The following PHYHIPL variants were observed in gnomAD, a reference collection of about 807,000 sequenced individuals.
The protein encoded by PHYHIPL is phytanoyl-CoA hydroxylase-interacting protein-like.
PHYHIPL carries 9 observed loss-of-function variants against 33.4 expected under a neutral mutation model. The observed-to-expected ratio is 0.27, with a 90% CI of 0.16 to 0.47. The LOEUF is 0.47. PHYHIPL is among the 20% of genes least tolerant of loss of function. The pLI, the probability that PHYHIPL is intolerant of heterozygous loss-of-function variation, is 0.99. For synonymous variants in PHYHIPL, 153 were observed against 154.1 expected (o/e 0.99, Z 0.05); for missense variants, 365 against 460.7 (o/e 0.79, Z 1.90).
chr10:59,223,958 C>T (rs962574976), intron 1 of PHYHIPL, among the ~76,000 whole-genome samples: 2 of 152,168 alleles, frequency 1.3e-5, no homozygotes, highest in African/African-American at 4.8e-5. Flanking sequence ...CTGCACCCAG[C>T]CCAATTGCCC....
rs181461246 is a variant in PHYHIPL at position 59,210,187 on chromosome 10, A to G, written c.107-24117A>G. Among the ~76,000 whole-genome samples the G allele has an allele frequency of 8.7e-4, 132 of 152,300 alleles. 3 individuals carry two copies. Among genetic ancestry groups the G allele is most frequent in the Non-Finnish European group, 1.3e-3 (91 of 68,030 alleles). ...AATTTTGCGCTCTATCCATCTGACA[A>G]AGGGCTAATATCCAGAATCTACAAA... is the stretch of plus-strand genomic sequence containing the variant. On this transcript the variant is annotated intron_variant, in intron 1 of 4. Transcript: ENST00000373880.
chr10:59,195,766 T>C (rs775469257), intron 1 of PHYHIPL, among the ~76,000 whole-genome samples: 1 of 152,174 alleles, frequency 6.6e-6, no homozygotes, highest in Non-Finnish European at 1.5e-5. Flanking sequence ...ATTATATGCT[T>C]TAATTGTTTT....
intron 1 of PHYHIPL, among the ~76,000 whole-genome samples, chr10:59,213,247 A>G (rs1245294879): frequency 2.6e-5 from 4 of 152,034 alleles, no homozygotes; most frequent in Non-Finnish European, 5.9e-5. Flanking sequence ...TAGAAATCCA[A>G]TTATGTCATT....
rs368117586 is a variant in PHYHIPL at position 59,176,796 on chromosome 10, C to T, written c.-58C>T. 3.7e-5 allele frequency: 56 copies of T among 1,494,636 alleles called. No homozygotes were observed. The East Asian group carries it at 1.2e-3, about 32-fold the overall frequency. 92.6% of individuals were successfully genotyped at this position (1,494,636 alleles called of 1,614,324 possible). On this transcript the variant is annotated 5_prime_UTR_variant, in exon 1 of 5. Coordinates refer to ENST00000373880, the MANE Select transcript of PHYHIPL (RefSeq NM_032439.4). Reference sequence around the variant, plus strand: ...TCCCTTTCCCGCTCTTCTTGCCCACCCGGCCGGCAGAGAGAGCCTGGATAC... The same window carrying T: ...TCCCTTTCCCGCTCTTCTTGCCCACTCGGCCGGCAGAGAGAGCCTGGATAC...
At chr10:59,207,456 GTC>G (rs1839318818) in intron 1 of PHYHIPL, among the ~76,000 whole-genome samples, 1 of 152,180 alleles carries the variant, frequency 6.6e-6, no homozygotes, top group Admixed American at 6.5e-5. Context: ...TCCCTCAGGT[GTC>G]TCTGCCACCA....
chr10:59,231,594 T>C (rs1007670397), intron 1 of PHYHIPL, among the ~76,000 whole-genome samples: 2 of 152,004 alleles, frequency 1.3e-5, no homozygotes, highest in African/African-American at 4.8e-5. Context: ...CTATAGGAGA[T>C]GGAAGGACAC....
intron 1 of PHYHIPL, among the ~76,000 whole-genome samples, chr10:59,231,458 CAAGAATTCCAGCCAAAAACACAAAGA>C (rs1447909433): frequency 6.6e-6 from 1 of 151,954 alleles, no homozygotes; most frequent in Non-Finnish European, 1.5e-5. Context: ...GATAACCAGA[CAAGAATTCCAGCCAAAAACACAAAGA>C]AAGACACTTT....
chr10:59,221,682 G>T (rs1564454159), intron 1 of PHYHIPL: 6 of 984,754 alleles, frequency 6.1e-6, no homozygotes, highest in Non-Finnish European at 7.2e-6. Flanking sequence ...GAAATCTAGA[G>T]CTGTATTGTG....
upstream of PHYHIPL, among the ~76,000 whole-genome samples, chr10:59,173,645 T>C (rs1051424685): frequency 6.6e-6 from 1 of 152,212 alleles, no homozygotes; most frequent in Non-Finnish European, 1.5e-5. Flanking sequence ...CTTTTGGCTA[T>C]GTGGCAGGGC....
chr10:59,234,287 G>T lies in PHYHIPL; in HGVS notation c.107-17G>T. 1 of 1,527,856 alleles carries T rather than the reference G, an allele frequency of 6.5e-7. No individual in the cohort carries two copies. 94.6% of individuals were successfully genotyped at this position (1,527,856 alleles called of 1,614,324 possible). ...CATTAATTGGAAATTAACTTCCTGTGCATTGTTTTCTTGCAGGGAACAAAT... is the reference window on the plus strand; with the variant it reads ...CATTAATTGGAAATTAACTTCCTGTTCATTGTTTTCTTGCAGGGAACAAAT... On this transcript the variant is annotated splice_polypyrimidine_tract_variant and intron_variant, in intron 1 of 4. Transcript: ENST00000373880.
At chr10:59,240,766 T>C (rs567498902) in intron 4 of PHYHIPL, among the ~76,000 whole-genome samples, 1 of 152,232 alleles carries the variant, frequency 6.6e-6, no homozygotes, top group South Asian at 2.1e-4. Context: ...ATATCTATTT[T>C]AGGTGGCCAC....
At chr10:59,210,594 A>G (rs755002174) in intron 1 of PHYHIPL, among the ~76,000 whole-genome samples, 3 of 152,392 alleles carry the variant, frequency 2.0e-5, no homozygotes, top group Non-Finnish European at 4.4e-5. Flanking sequence ...TCAAAGGATT[A>G]TAAATCATTC....
intron 1 of PHYHIPL, among the ~76,000 whole-genome samples, chr10:59,180,870 G>A (rs192061462): frequency 1.0e-3 from 159 of 152,200 alleles, no homozygotes; most frequent in African/African-American, 3.6e-3. Flanking sequence ...TAGATAATCC[G>A]TAATGGCATT....
At chr10:59,180,314 G>GTATGTGTGTGTATATA (rs1491252242) in intron 1 of PHYHIPL, among the ~76,000 whole-genome samples, 7 of 86,170 alleles carry the variant, frequency 8.1e-5, no homozygotes, top group African/African-American at 3.6e-4. Context: ...TATAGAAAAA[G>GTATGTGTGTGTATATA]TATATATATA....
At chr10:59,239,680 T>C (rs1250724814) in intron 4 of PHYHIPL, among the ~76,000 whole-genome samples, 1 of 152,052 alleles carries the variant, frequency 6.6e-6, no homozygotes, top group Non-Finnish European at 1.5e-5. Context: ...CAGGTAGTTT[T>C]TATATTTACA....
In PHYHIPL at chr10:59,246,455, T is replaced by A. The variant is rs540266302; in HGVS notation, c.*864T>A. 2.1e-5 allele frequency: 8 copies of A among 379,038 alleles called. No homozygotes were observed. In the South Asian group the frequency reaches 1.2e-3, roughly 55 times the overall value. The allele number at this position is 379,038 out of a possible 1,614,324, so 23.5% of individuals were successfully genotyped here. A position where few individuals can be genotyped will look rare whatever the true frequency, so the allele number is the denominator to read the frequency against. The stretch of plus-strand genomic sequence containing the variant: ...TTCCCATCCAAACTATAAGAGAATG[T>A]GAATTTCTTCAACATCATACTTAAA... On this transcript the variant is annotated 3_prime_UTR_variant, in exon 5 of 5. Coordinates refer to ENST00000373880, the MANE Select transcript of PHYHIPL (RefSeq NM_032439.4).
intron 1 of PHYHIPL, among the ~76,000 whole-genome samples, chr10:59,187,569 A>C (rs1054503313): frequency 3.3e-5 from 5 of 152,146 alleles, no homozygotes; most frequent in African/African-American, 1.2e-4. Context: ...CCTCTGGTAG[A>C]ATTTGGCTGC....
chr10:59,232,063 G>A (rs1394932043), intron 1 of PHYHIPL, among the ~76,000 whole-genome samples: 51 of 152,022 alleles, frequency 3.4e-4, no homozygotes, highest in Admixed American at 2.9e-3. Context: ...CTAAAGTACT[G>A]TGAGAGAAAG....
chr10:59,206,710 G>T, intron 1 of PHYHIPL: 1 of 918,410 alleles, frequency 1.1e-6, no homozygotes, highest in Non-Finnish European at 1.4e-6. Flanking sequence ...AATTGTAAAA[G>T]TACATAACTA....
Sources: gnomAD v4.1 joint callset for allele counts (sites outside exome capture counted in the v4.1 genomes callset) on GRCh38, gnomAD v4.1.1 for gene constraint, MANE v1.5 for transcripts, NCBI Gene and HGNC (gene_info 2026-07-23, HGNC 2026-07-21) for gene names.